Variants in CTNNA3 observed in about 807,000 individuals in gnomAD.
CTNNA3 encodes catenin alpha 3.
CTNNA3 carries 76 observed loss-of-function variants against 95.7 expected under a neutral mutation model. The observed-to-expected ratio is 0.79, with a 90% CI of 0.66 to 0.96. CTNNA3 has a LOEUF of 0.96. Among genes scored for constraint, CTNNA3 ranks in the 40% least tolerant of loss-of-function variants. CTNNA3 has a pLI of 0.00. For missense variants in CTNNA3, 1,191 were observed against 1,089.8 expected, an observed-to-expected ratio of 1.09 and a Z score of -1.31; for synonymous variants, 431 against 374.4, an observed-to-expected ratio of 1.15 and a Z score of -1.74.
intron 12 of CTNNA3, among the ~76,000 whole-genome samples, chr10:66,349,689 G>A (rs868647549): frequency 6.6e-6 from 1 of 152,052 alleles, no homozygotes; most frequent in Non-Finnish European, 1.5e-5. Context: ...AATACCCAAA[G>A]AGATTCAAAA....
intron 5 of CTNNA3, among the ~76,000 whole-genome samples, chr10:67,501,765 T>C (rs558292031): frequency 6.6e-6 from 1 of 152,308 alleles, no homozygotes; most frequent in Non-Finnish European, 1.5e-5. Flanking sequence ...CAGCTATTGA[T>C]CCTTGTGTAT....
chr10:66,114,878 C>CA (rs531726216), intron 13 of CTNNA3, among the ~76,000 whole-genome samples: 2,495 of 130,494 alleles, frequency 0.019, 56 homozygotes, highest in African/African-American at 0.061. Flanking sequence ...GGCTCCATCT[C>CA]AAAAAAAAAA....
chr10:66,361,513 T>C (rs1390064410), intron 12 of CTNNA3, among the ~76,000 whole-genome samples: 1 of 150,986 alleles, frequency 6.6e-6, no homozygotes, highest in Admixed American at 6.6e-5. Context: ...CTTCTTTCCC[T>C]CTCTCTGCAT....
At chr10:67,727,662 A>G (rs1007733845) in intron 1 of CTNNA3, among the ~76,000 whole-genome samples, 1 of 128,038 alleles carries the variant, frequency 7.8e-6, no homozygotes, top group Non-Finnish European at 1.6e-5. Context: ...TATATATGAT[A>G]TATAATATAA....
intron 7 of CTNNA3, among the ~76,000 whole-genome samples, chr10:66,877,694 G>C (rs566376613): frequency 7.0e-4 from 106 of 152,112 alleles, no homozygotes; most frequent in South Asian, 1.9e-3. Flanking sequence ...ACTGACTTTT[G>C]AACTCAGTTT....
At chr10:67,001,587 GT>G (rs1395242503) in intron 7 of CTNNA3, among the ~76,000 whole-genome samples, 2 of 152,010 alleles carry the variant, frequency 1.3e-5, no homozygotes, top group African/African-American at 4.8e-5. Flanking sequence ...TCATTACTAT[GT>G]AGAATTACCA....
At chr10:66,423,484 G>A (rs924468975) in intron 11 of CTNNA3, among the ~76,000 whole-genome samples, 1 of 152,106 alleles carries the variant, frequency 6.6e-6, no homozygotes, top group South Asian at 2.1e-4. Context: ...AATCCAAAGG[G>A]CATCAGCCTA....
At chr10:67,364,908 C>G (rs566710176) in intron 5 of CTNNA3, among the ~76,000 whole-genome samples, 1 of 152,214 alleles carries the variant, frequency 6.6e-6, no homozygotes, top group African/African-American at 2.4e-5. Flanking sequence ...AAAGAGCCCA[C>G]ATAGCCAAGA....
intron 10 of CTNNA3, among the ~76,000 whole-genome samples, chr10:66,525,682 G>A (rs1003890399): frequency 4.6e-5 from 7 of 152,114 alleles, no homozygotes; most frequent in Non-Finnish European, 8.8e-5. Flanking sequence ...TATAAAATTC[G>A]CTAAGTTAAC....
intron 5 of CTNNA3, among the ~76,000 whole-genome samples, chr10:67,321,392 T>C (rs1455184775): frequency 6.6e-6 from 1 of 152,176 alleles, no homozygotes; most frequent in Non-Finnish European, 1.5e-5. Flanking sequence ...GATGGAAGCA[T>C]TTATGTGATT....
At chr10:65,924,528 C>G (rs1276102691) in intron 17 of CTNNA3, among the ~76,000 whole-genome samples, 1 of 152,160 alleles carries the variant, frequency 6.6e-6, no homozygotes, top group East Asian at 1.9e-4. Context: ...TTCCACGTAC[C>G]TATAATTTTC....
intron 17 of CTNNA3, among the ~76,000 whole-genome samples, chr10:65,937,642 A>G (rs2077363593): frequency 6.6e-6 from 1 of 152,094 alleles, no homozygotes; most frequent in Non-Finnish European, 1.5e-5. Context: ...TTTTGCCCAT[A>G]CACTGTACTC....
intron 1 of CTNNA3, among the ~76,000 whole-genome samples, chr10:67,666,841 C>T (rs1054239624): frequency 3.3e-5 from 5 of 152,134 alleles, no homozygotes; most frequent in African/African-American, 1.2e-4. Flanking sequence ...CCTCCTCTAT[C>T]TGCTCCAACA....
At chr10:66,974,082 T>C (rs1388147087) in intron 7 of CTNNA3, among the ~76,000 whole-genome samples, 1 of 152,160 alleles carries the variant, frequency 6.6e-6, no homozygotes, top group African/African-American at 2.4e-5. Flanking sequence ...GCCCTGAGTC[T>C]CTCTGTAGTC....
chr10:66,819,713 A>C (rs1842230739), intron 7 of CTNNA3, among the ~76,000 whole-genome samples: 1 of 152,200 alleles, frequency 6.6e-6, no homozygotes, highest in African/African-American at 2.4e-5. Flanking sequence ...CTAGACATAC[A>C]AATGGTCAAT....
intron 3 of CTNNA3, among the ~76,000 whole-genome samples, chr10:67,556,728 G>T (rs1204749986): frequency 1.3e-5 from 2 of 151,940 alleles, no homozygotes; most frequent in Non-Finnish European, 2.9e-5. Flanking sequence ...TTGATTTTTT[G>T]AAGGGTTTTT....
At chr10:66,981,369 CA>C (rs1239176530) in intron 7 of CTNNA3, among the ~76,000 whole-genome samples, 1 of 152,246 alleles carries the variant, frequency 6.6e-6, no homozygotes, top group Non-Finnish European at 1.5e-5. Flanking sequence ...TCAGCTCACT[CA>C]GGCATAAGTC....
At chr10:66,447,539 A>G (rs1053655383) in intron 11 of CTNNA3, among the ~76,000 whole-genome samples, 1 of 151,838 alleles carries the variant, frequency 6.6e-6, no homozygotes, top group South Asian at 2.1e-4. Flanking sequence ...CAACCCTCTG[A>G]TCTTTGACAA....
At chr10:67,635,589 C>T (rs761545278) in intron 2 of CTNNA3, among the ~76,000 whole-genome samples, 3 of 151,900 alleles carry the variant, frequency 2.0e-5, no homozygotes, top group East Asian at 1.9e-4. Context: ...TCTCAATAGA[C>T]GTAGAAAAGG....
Sources: gnomAD v4.1 joint callset for allele counts (sites outside exome capture counted in the v4.1 genomes callset) on GRCh38, gnomAD v4.1.1 for gene constraint, MANE v1.5 for transcripts, NCBI Gene and HGNC (gene_info 2026-07-23, HGNC 2026-07-21) for gene names.